Variants in IGFL4 observed in about 807,000 individuals in gnomAD.
The protein encoded by IGFL4 is IGF like family member 4, also known as insulin growth factor-like family member 4.
A neutral mutation model predicts 15.4 loss-of-function variants in IGFL4; 12 were observed. That is an observed-to-expected ratio of 0.78 (90% CI 0.50 to 1.26). The LOEUF is 1.26. Among genes scored for constraint, IGFL4 ranks in the 50% most tolerant of loss-of-function variants. IGFL4 has a pLI of 0.00. For synonymous variants in IGFL4, 54 were observed against 55.9 expected, an observed-to-expected ratio of 0.97 and a Z score of 0.16; for missense variants, 126 against 147.8, an observed-to-expected ratio of 0.85 and a Z score of 0.76.
At chr19:46,047,548 G>A (rs1009251977) in intron 2 of IGFL4, among the ~76,000 whole-genome samples, 4 of 151,998 alleles carry the variant, frequency 2.6e-5, no homozygotes, top group African/African-American at 9.7e-5. Flanking sequence ...GAAGAAAAGA[G>A]AGAATAATCA....
chr19:46,063,335 GCA>G (rs5828265), intron 1 of IGFL4, among the ~76,000 whole-genome samples: 57,662 of 146,784 alleles, frequency 0.39, 11,182 homozygotes, highest in Non-Finnish European at 0.42. Context: ...ACACACGCAT[GCA>G]CACACACACA....
rs1401331964 is a variant in IGFL4, at chr19:46,049,730, G to A, written c.-322-8620C>T. On this transcript the variant is annotated intron_variant, in intron 2 of 5. Transcript: ENST00000601672. ...GACACAGTCTCTTGGGAGCTCTATA[G>A]CCCTGCCCATCACCTGAGAAACCTG... 3.9e-5 allele frequency among the ~76,000 whole-genome samples: 6 copies of A among 152,222 alleles called. No homozygotes were observed. The South Asian group carries it at 1.2e-3, about 32-fold the overall frequency.
intron 2 of IGFL4, among the ~76,000 whole-genome samples, chr19:46,053,668 G>C (rs375139756): frequency 2.6e-5 from 4 of 152,088 alleles, no homozygotes; most frequent in Non-Finnish European, 4.4e-5. Context: ...TGATATAGTG[G>C]TTGTTTTTAT....
chr19:46,070,207 A>G (rs1035808694), intron 1 of IGFL4, among the ~76,000 whole-genome samples: 4 of 151,710 alleles, frequency 2.6e-5, no homozygotes, highest in Admixed American at 2.6e-4. Flanking sequence ...AGTGATTCAC[A>G]TCCACGGGAC....
intron 1 of IGFL4, among the ~76,000 whole-genome samples, chr19:46,063,652 T>A (rs1348060304): frequency 6.6e-6 from 1 of 152,224 alleles, no homozygotes; most frequent in Non-Finnish European, 1.5e-5. Context: ...ATTTATTGAC[T>A]TCAACATCAA....
At chr19:46,054,700 G>A (rs766892056) in intron 2 of IGFL4, among the ~76,000 whole-genome samples, 5 of 152,010 alleles carry the variant, frequency 3.3e-5, no homozygotes, top group Non-Finnish European at 7.4e-5. Context: ...ATACCTCAAG[G>A]ACCTAATACC....
chr19:46,047,962 C>A (rs1244688793), intron 2 of IGFL4, among the ~76,000 whole-genome samples: 1 of 152,106 alleles, frequency 6.6e-6, no homozygotes, highest in African/African-American at 2.4e-5. Flanking sequence ...AGAGATACAA[C>A]AAAATAAGAA....
intron 2 of IGFL4, among the ~76,000 whole-genome samples, chr19:46,046,201 C>A (rs1257251221): frequency 6.6e-6 from 1 of 152,124 alleles, no homozygotes; most frequent in African/African-American, 2.4e-5. Context: ...TTCAGACAAG[C>A]AAATGCTGTG....
rs140258280 is a variant in IGFL4, at chr19:46,046,745, C to G, written c.-322-5635G>C. Among the ~76,000 whole-genome samples the G allele has an allele frequency of 7.9e-5, 12 of 152,170 alleles. No homozygotes were observed. In the East Asian group the frequency reaches 1.9e-3, roughly 24 times the overall value. On this transcript the variant is annotated intron_variant, in intron 2 of 5. Coordinates refer to the IGFL4 transcript ENST00000601672. ...ATATATGCATCCAATACAGGAGAAC[C>G]CAGATTCATAAAGCAAGTTCTTACA...
rs756826127 is a variant in IGFL4, at chr19:46,040,547, A to G, written c.41T>C (p.Leu14Pro). 1.2e-6 allele frequency: 2 copies of G among 1,613,950 alleles called. No individual in the cohort carries two copies. Among genetic ancestry groups the G allele is most frequent in the African/African-American group, 1.3e-5 (1 of 74,928 alleles). The change falls in exon 2 of 4, where the codon CTT becomes CCT. Residue 14 changes from leucine to proline, a missense_variant. Coordinates refer to ENST00000377697, the MANE Select transcript of IGFL4 (RefSeq NM_001002923.3). This position sits in a 1 kb window ranked among gnomAD's most constrained non-coding sequence, Gnocchi z 4.1. ...RISAAIFIFELLGSNSEGVTD... is the reference protein window; with the variant it reads ...RISAAIFIFEPLGSNSEGVTD... Reference sequence around the variant, plus strand: ...GACTCCTTCTGAGTTTGAACCCAAAAGTTCAAAAATGAAGATGGCAGCTGA... The same window carrying G: ...GACTCCTTCTGAGTTTGAACCCAAAGGTTCAAAAATGAAGATGGCAGCTGA...
chr19:46,054,721 A>T (rs1175166114), intron 2 of IGFL4, among the ~76,000 whole-genome samples: 1 of 152,166 alleles, frequency 6.6e-6, no homozygotes. Context: ...TAAAAAATTG[A>T]GCCTCTGTAA....
intron 1 of IGFL4, among the ~76,000 whole-genome samples, chr19:46,068,551 G>T (rs930335229): frequency 1.3e-5 from 2 of 152,164 alleles, no homozygotes; most frequent in East Asian, 1.9e-4. Flanking sequence ...AGGGGCTTGG[G>T]ATTCATTTTG....
upstream of IGFL4, among the ~76,000 whole-genome samples, chr19:46,041,732 AGG>A (rs1240884107): frequency 1.3e-5 from 2 of 151,940 alleles, no homozygotes; most frequent in African/African-American, 4.8e-5. Context: ...CACAGTGAGA[AGG>A]GTGGGAGGGT....
chr19:46,055,245 C>G (rs1861792), intron 2 of IGFL4, among the ~76,000 whole-genome samples: 69,677 of 151,976 alleles, frequency 0.46, 16,811 homozygotes, highest in Non-Finnish European at 0.53. Flanking sequence ...AATATGTTTT[C>G]TTTTCATTTC....
In IGFL4 at chr19:46,040,511, T is replaced by C. The variant is rs1258797005; in HGVS notation, c.70+7A>G. On this transcript the variant is annotated splice_region_variant and intron_variant, in intron 2 of 3. Coordinates refer to ENST00000377697, the MANE Select transcript of IGFL4 (RefSeq NM_001002923.3). The surrounding 1 kb of genome is among the most constrained non-coding windows in gnomAD (Gnocchi z 4.1). Reference sequence around the variant, plus strand: ...GTTCTCTCCTCCCTCACTGCATCTGTTCTCACCTGTGACTCCTTCTGAGTT... The same window carrying C: ...GTTCTCTCCTCCCTCACTGCATCTGCTCTCACCTGTGACTCCTTCTGAGTT... 6.2e-7 allele frequency: 1 copy of C among 1,614,176 alleles called. No individual in the cohort carries two copies. Among genetic ancestry groups the C allele is most frequent in the Non-Finnish European group, 8.5e-7 (1 of 1,180,022 alleles).
intron 1 of IGFL4, among the ~76,000 whole-genome samples, chr19:46,065,497 C>T (rs1054943320): frequency 6.6e-6 from 1 of 152,154 alleles, no homozygotes; most frequent in South Asian, 2.1e-4. Flanking sequence ...TTAGTAGAGA[C>T]GGGGTTTCAA....
chr19:46,075,904 T>C (rs1311111159), intron 1 of IGFL4, among the ~76,000 whole-genome samples: 4 of 152,220 alleles, frequency 2.6e-5, no homozygotes. Context: ...CTCATGAGTA[T>C]TTATTTTAAA....
intron 1 of IGFL4, among the ~76,000 whole-genome samples, chr19:46,064,780 AT>A (rs1969479275): frequency 2.0e-5 from 3 of 152,180 alleles, no homozygotes; most frequent in African/African-American, 7.2e-5. Context: ...TATCTCTTCA[AT>A]ATATTAACTT....
upstream of IGFL4, among the ~76,000 whole-genome samples, chr19:46,042,944 G>C (rs1326770539): frequency 6.6e-6 from 1 of 152,216 alleles, no homozygotes. Flanking sequence ...GGGAAGACCA[G>C]AGAGTGTTCT....
Sources: gnomAD v4.1 joint callset for allele counts (sites outside exome capture counted in the v4.1 genomes callset) on GRCh38, gnomAD v4.1.1 for gene constraint, Gnocchi (gnomAD v3.1) non-coding constraint, MANE v1.5 for transcripts, NCBI Gene and HGNC (gene_info 2026-07-23, HGNC 2026-07-21) for gene names.